Variants in L3MBTL4 observed in about 807,000 individuals in gnomAD.
L3MBTL4 encodes lethal(3)malignant brain tumor-like protein 4.
A neutral mutation model predicts 84.5 loss-of-function variants in L3MBTL4; 70 were observed. The observed-to-expected ratio is 0.83, with a 90% CI of 0.68 to 1.01. L3MBTL4 has a LOEUF of 1.01. Among genes scored for constraint, L3MBTL4 ranks in the 50% least tolerant of loss-of-function variants. The pLI is 0.00. For synonymous variants in L3MBTL4, 274 were observed against 259.8 expected, an observed-to-expected ratio of 1.05 and a Z score of -0.52; for missense variants, 715 against 754.8, an observed-to-expected ratio of 0.95 and a Z score of 0.62.
intron 1 of L3MBTL4, among the ~76,000 whole-genome samples, chr18:6,317,001 AAAATAAATAAAT>A (rs143668018): frequency 1.3e-5 from 2 of 150,982 alleles, no homozygotes; most frequent in Non-Finnish European, 2.9e-5. Flanking sequence ...ATACTGGTAC[AAAATAAATAAAT>A]AAATAAATAA....
At chr18:6,324,938 G>A (rs2051638227) in intron 1 of L3MBTL4, among the ~76,000 whole-genome samples, 1 of 152,118 alleles carries the variant, frequency 6.6e-6, no homozygotes. Context: ...AGGAAAATGA[G>A]AAAGAAACCA....
chr18:6,111,628 A>G (rs990342489), intron 14 of L3MBTL4, among the ~76,000 whole-genome samples: 4 of 152,222 alleles, frequency 2.6e-5, no homozygotes, highest in Admixed American at 6.5e-5. Context: ...GTGTCTGCTC[A>G]GTCTCTCCAG....
At chr18:6,022,701 T>G (rs938057036) in intron 16 of L3MBTL4, among the ~76,000 whole-genome samples, 2 of 152,240 alleles carry the variant, frequency 1.3e-5, no homozygotes, top group Non-Finnish European at 2.9e-5. Context: ...TTGAGAAAAT[T>G]AAGGCACAAA....
At chr18:6,355,149 G>A (rs1282275700) in intron 1 of L3MBTL4, among the ~76,000 whole-genome samples, 2 of 152,140 alleles carry the variant, frequency 1.3e-5, no homozygotes, top group Non-Finnish European at 2.9e-5. Flanking sequence ...GATAGAACTG[G>A]AAGTCACTAT....
At chr18:5,990,207 C>A (rs563910741) in intron 16 of L3MBTL4, among the ~76,000 whole-genome samples, 1 of 152,142 alleles carries the variant, frequency 6.6e-6, no homozygotes, top group Non-Finnish European at 1.5e-5. Flanking sequence ...AGGAAGGTTA[C>A]GTGTATTGCT....
intron 4 of L3MBTL4, among the ~76,000 whole-genome samples, chr18:6,299,369 C>G (rs1159310660): frequency 6.6e-6 from 1 of 152,038 alleles, no homozygotes; most frequent in Non-Finnish European, 1.5e-5. Flanking sequence ...GTTTTCTCTG[C>G]CTTTGTGTTA....
At chr18:6,008,355 A>G (rs915220541) in intron 16 of L3MBTL4, among the ~76,000 whole-genome samples, 16 of 152,142 alleles carry the variant, frequency 1.1e-4, no homozygotes, top group Non-Finnish European at 7.3e-5. Flanking sequence ...GTATCTGACA[A>G]GAGATGTCTG....
chr18:6,269,642 A>G (rs2048782754), intron 4 of L3MBTL4, among the ~76,000 whole-genome samples: 1 of 152,236 alleles, frequency 6.6e-6, no homozygotes. Flanking sequence ...AAATATCTAA[A>G]TATCCAACAA....
At chr18:6,068,315 G>T (rs895663593) in intron 16 of L3MBTL4, among the ~76,000 whole-genome samples, 4 of 152,144 alleles carry the variant, frequency 2.6e-5, no homozygotes, top group Non-Finnish European at 5.9e-5. Flanking sequence ...GGTAGGTATT[G>T]GTGGTAGCTA....
intron 4 of L3MBTL4, among the ~76,000 whole-genome samples, chr18:6,292,691 A>G (rs565815427): frequency 1.3e-5 from 2 of 152,328 alleles, no homozygotes; most frequent in South Asian, 4.1e-4. Flanking sequence ...GTGAAAGTTA[A>G]TCACATAAAC....
At chr18:6,296,842 T>A (rs577204961) in intron 4 of L3MBTL4, among the ~76,000 whole-genome samples, 2 of 152,062 alleles carry the variant, frequency 1.3e-5, no homozygotes, top group East Asian at 3.9e-4. Flanking sequence ...TCAAGAAGGA[T>A]GAGTTGAGAA....
intron 16 of L3MBTL4, among the ~76,000 whole-genome samples, chr18:6,019,072 C>T (rs2055132777): frequency 6.6e-6 from 1 of 152,168 alleles, no homozygotes; most frequent in Admixed American, 6.5e-5. Flanking sequence ...TGGATATTAC[C>T]TACAGCTTTT....
intron 16 of L3MBTL4, among the ~76,000 whole-genome samples, chr18:6,074,730 T>C (rs2057800076): frequency 6.6e-6 from 1 of 152,168 alleles, no homozygotes; most frequent in African/African-American, 2.4e-5. Context: ...GTAAAGACAT[T>C]GGTTCTTTCT....
intron 11 of L3MBTL4, among the ~76,000 whole-genome samples, chr18:6,214,746 A>G (rs998607271): frequency 6.6e-6 from 1 of 152,196 alleles, no homozygotes; most frequent in Non-Finnish European, 1.5e-5. Flanking sequence ...ACAGAGGTAG[A>G]AGAGTTTAGT....
chr18:6,205,377 G>C (rs528978974), intron 12 of L3MBTL4, among the ~76,000 whole-genome samples: 2 of 152,292 alleles, frequency 1.3e-5, no homozygotes, highest in East Asian at 3.9e-4. Flanking sequence ...TTCTGACCTA[G>C]AGAAATGTAA....
chr18:6,131,689 T>C (rs1222235430), intron 14 of L3MBTL4, among the ~76,000 whole-genome samples: 1 of 152,144 alleles, frequency 6.6e-6, no homozygotes, highest in Non-Finnish European at 1.5e-5. Flanking sequence ...AAGAACAAAA[T>C]GTATAATGAT....
chr18:6,072,378 C>A (rs1487966002), intron 16 of L3MBTL4, among the ~76,000 whole-genome samples: 2 of 151,914 alleles, frequency 1.3e-5, no homozygotes, highest in African/African-American at 4.8e-5. Flanking sequence ...CCCCAAATAT[C>A]TGGAAATGAA....
intron 3 of L3MBTL4, among the ~76,000 whole-genome samples, chr18:6,309,432 G>C (rs368884027): frequency 6.6e-6 from 1 of 152,170 alleles, no homozygotes; most frequent in Admixed American, 6.5e-5. Context: ...CATCTCAAAA[G>C]GTAGACTAAG....
intron 14 of L3MBTL4, among the ~76,000 whole-genome samples, chr18:6,099,582 GT>G (rs1172922315): frequency 0.068 from 402 of 5,884 alleles, 52 homozygotes; most frequent in Non-Finnish European, 0.097. Context: ...GATAGATAAT[GT>G]AAATATATAT....
Sources: gnomAD v4.1 joint callset for allele counts (sites outside exome capture counted in the v4.1 genomes callset) on GRCh38, gnomAD v4.1.1 for gene constraint, MANE v1.5 for transcripts, NCBI Gene and HGNC (gene_info 2026-07-23, HGNC 2026-07-21) for gene names.